DPYD: variants seen among roughly 807,000 people sequenced by gnomAD.
DPYD encodes the protein dihydropyrimidine dehydrogenase [NADP(+)].
A neutral mutation model predicts 116.2 loss-of-function variants in DPYD; 109 were observed. The ratio of observed to expected loss-of-function variants is 0.94; its 90% CI spans 0.80 to 1.10. DPYD has a LOEUF of 1.10. Among genes scored for constraint, DPYD ranks in the 50% least tolerant of loss-of-function variants. The probability of loss-of-function intolerance (pLI) is 0.00; values close to 1 mark genes in which losing one functional copy is unlikely to be tolerated. For synonymous variants in DPYD, 440 were observed against 432.0 expected, an observed-to-expected ratio of 1.02 and a Z score of -0.23; for missense variants, 1,302 against 1,254.5, an observed-to-expected ratio of 1.04 and a Z score of -0.57.
At chr1:97,637,023 T>C (rs993228909) in intron 8 of DPYD, among the ~76,000 whole-genome samples, 3 of 152,042 alleles carry the variant, frequency 2.0e-5, no homozygotes, top group African/African-American at 7.2e-5. Flanking sequence ...ATTCAACCAA[T>C]GCAGAAAAAA....
intron 2 of DPYD, among the ~76,000 whole-genome samples, chr1:97,834,992 C>T (rs1019784276): frequency 1.3e-5 from 2 of 151,888 alleles, no homozygotes; most frequent in African/African-American, 4.8e-5. Flanking sequence ...TAGATAATTG[C>T]TTTTCCCTTT....
intron 14 of DPYD, among the ~76,000 whole-genome samples, chr1:97,429,327 A>G (rs1380811454): frequency 6.6e-6 from 1 of 152,086 alleles, no homozygotes; most frequent in African/African-American, 2.4e-5. Context: ...TTTTACCTAA[A>G]AAAGTGGTAT....
rs115472939 is a variant in DPYD at position 97,805,346 on chromosome 1, C to T, written c.233+22768G>A. On this transcript the variant is annotated intron_variant, in intron 3 of 22. Transcript: ENST00000370192. The stretch of plus-strand genomic sequence containing the variant: ...CATAGAGTGAGAACAGGACCAGGCA[C>T]GAAACTTTCTTACGTGTCCAGATTT... 5.0e-3 allele frequency among the ~76,000 whole-genome samples: 765 copies of T among 151,580 alleles called. 7 individuals are homozygous for T. Among genetic ancestry groups the T allele is most frequent in the African/African-American group, 0.017 (706 of 41,374 alleles).
At position 97,258,541 on chromosome 1, in the gene DPYD, C is replaced by G. The variant is rs113366924; in HGVS notation, c.2300-23547G>C. ...CCTTCTTTGTCTCATATTTCCTCCT[C>G]CCTGATGTCTATTTCCCAAGATCAA... On this transcript the variant is annotated intron_variant, in intron 18 of 22. Coordinates refer to ENST00000370192, the MANE Select transcript of DPYD (RefSeq NM_000110.4). Among the ~76,000 whole-genome samples, 136 of 152,262 alleles carry G rather than the reference C, an allele frequency of 8.9e-4. 2 individuals carry two copies. The highest frequency in any genetic ancestry group is 3.1e-3 in the African/African-American group (127 of 41,566).
intron 3 of DPYD, among the ~76,000 whole-genome samples, chr1:97,802,476 C>T (rs989872987): frequency 6.6e-6 from 1 of 151,896 alleles, no homozygotes; most frequent in Admixed American, 6.6e-5. Flanking sequence ...GAACTTTGGA[C>T]TTACACAATA....
intron 16 of DPYD, among the ~76,000 whole-genome samples, chr1:97,333,732 G>A (rs1669148031): frequency 6.6e-6 from 1 of 151,328 alleles, no homozygotes; most frequent in Admixed American, 6.6e-5. Flanking sequence ...ATGTTAGCCA[G>A]GATGGTCTTG....
intron 16 of DPYD, among the ~76,000 whole-genome samples, chr1:97,322,165 C>T (rs1361758436): frequency 6.9e-6 from 1 of 144,590 alleles, no homozygotes; most frequent in African/African-American, 2.6e-5. Context: ...AGTGCACCAG[C>T]ATGGCACATG....
At chr1:97,225,349 T>C (rs1217595711) in intron 19 of DPYD, among the ~76,000 whole-genome samples, 1 of 152,064 alleles carries the variant, frequency 6.6e-6, no homozygotes, top group Admixed American at 6.5e-5. Context: ...TGAAGATCAG[T>C]GATGTTAAGC....
intron 8 of DPYD, among the ~76,000 whole-genome samples, chr1:97,623,687 A>C (rs1243361061): frequency 6.6e-6 from 1 of 152,072 alleles, no homozygotes; most frequent in African/African-American, 2.4e-5. Context: ...TCATGAGCAA[A>C]AAGAACAAAA....
At chr1:97,169,551 T>TG (rs1243682869) in intron 20 of DPYD, among the ~76,000 whole-genome samples, 1 of 149,752 alleles carries the variant, frequency 6.7e-6, no homozygotes, top group Non-Finnish European at 1.5e-5. Context: ...TTATTTTATT[T>TG]TATTTTATTT....
chr1:97,409,200 C>T (rs773253782), intron 14 of DPYD, among the ~76,000 whole-genome samples: 8 of 151,944 alleles, frequency 5.3e-5, no homozygotes, highest in Admixed American at 2.0e-4. Flanking sequence ...AAACATTTTC[C>T]GTAAAGATTT....
chr1:97,104,241 T>C (rs973624215), intron 20 of DPYD, among the ~76,000 whole-genome samples: 2 of 152,140 alleles, frequency 1.3e-5, no homozygotes, highest in Admixed American at 6.6e-5. Context: ...TGAATGAATA[T>C]CTTGAATATA....
At chr1:97,615,872 A>G (rs2100758328) in intron 8 of DPYD, among the ~76,000 whole-genome samples, 1 of 152,212 alleles carries the variant, frequency 6.6e-6, no homozygotes, top group Middle Eastern at 3.4e-3. Context: ...CCTATAGTGC[A>G]CTGAATACAA....
At chr1:97,653,037 C>A (rs746431637) in intron 8 of DPYD, among the ~76,000 whole-genome samples, 1 of 152,062 alleles carries the variant, frequency 6.6e-6, no homozygotes, top group Non-Finnish European at 1.5e-5. Context: ...CATACTCCCA[C>A]CCCTCCAGAT....
intron 12 of DPYD, among the ~76,000 whole-genome samples, chr1:97,517,130 T>G (rs926117646): frequency 1.3e-5 from 2 of 152,046 alleles, no homozygotes; most frequent in Non-Finnish European, 2.9e-5. Context: ...ATCAAACTTG[T>G]CAATTGAAAC....
intron 14 of DPYD, among the ~76,000 whole-genome samples, chr1:97,429,520 G>A (rs946353148): frequency 4.6e-5 from 7 of 151,944 alleles, no homozygotes; most frequent in Admixed American, 4.6e-4. Context: ...GTGTATATAG[G>A]AGAGATTGAA....
At chr1:97,572,208 T>C (rs1652950192) in intron 11 of DPYD, among the ~76,000 whole-genome samples, 1 of 151,972 alleles carries the variant, frequency 6.6e-6, no homozygotes, top group Non-Finnish European at 1.5e-5. Flanking sequence ...ATGCATAAAT[T>C]CTGAAATGAC....
chr1:97,691,609 C>A, intron 7 of DPYD, 108 bp downstream of exon 7: 1 of 975,798 alleles, frequency 1.0e-6, no homozygotes, highest in Non-Finnish European at 1.6e-6. Context: ...CCTGATGTAG[C>A]TTTTAATTGT....
chr1:97,780,119 T>C (rs1399301773), intron 3 of DPYD, among the ~76,000 whole-genome samples: 1 of 152,224 alleles, frequency 6.6e-6, no homozygotes, highest in Non-Finnish European at 1.5e-5. Flanking sequence ...AGTGATGTCT[T>C]GGAATTGAGG....
Sources: allele counts gnomAD v4.1 joint callset (sites outside exome capture counted in the v4.1 genomes callset), GRCh38; gene constraint gnomAD v4.1.1; transcripts MANE v1.5; gene names NCBI Gene and HGNC (gene_info 2026-07-23, HGNC 2026-07-21).